Variants in IGF2 observed in about 807,000 individuals in gnomAD.
IGF2 encodes insulin like growth factor 2, also known as insulin-like growth factor 2.
In IGF2, 2 loss-of-function variants were observed where a neutral mutation model predicts 12.0. The ratio of observed to expected loss-of-function variants is 0.17; its 90% CI spans 0.07 to 0.52. The LOEUF (loss-of-function observed/expected upper bound fraction) is 0.52, where lower values mean the gene tolerates loss of function less well. IGF2 is among the 20% of genes least tolerant of loss of function. The probability of loss-of-function intolerance (pLI) is 0.95; values close to 1 mark genes in which losing one functional copy is unlikely to be tolerated. For missense variants in IGF2, 211 were observed against 268.0 expected (o/e 0.79, Z 1.48); for synonymous variants, 105 against 110.1 (o/e 0.95, Z 0.29).
At chr11:2,146,513 T>G in the IGF2 span, 1 of 432,524 alleles carries the variant, frequency 2.3e-6, no homozygotes, top group Non-Finnish European at 4.8e-6. Flanking sequence ...CTGCTCAATC[T>G]GCCCAAAGCC....
the IGF2 span, chr11:2,147,674 GCT>G: frequency 8.0e-7 from 1 of 1,250,620 alleles, no homozygotes; most frequent in Non-Finnish European, 1.0e-6. This position sits in a 1 kb window ranked among gnomAD's most constrained non-coding sequence, Gnocchi z 7.2. Flanking sequence ...TCAGGACTGG[GCT>G]CTCTGGCCTG....
chr11:2,147,365 G>A, the IGF2 span: 7 of 390,548 alleles, frequency 1.8e-5, no homozygotes, highest in East Asian at 3.7e-5. The surrounding 1 kb of genome is among the most constrained non-coding windows in gnomAD (Gnocchi z 7.2). Flanking sequence ...CGGGGAACCT[G>A]CTCTGCCCAC....
intron 2 of IGF2, among the ~76,000 whole-genome samples, chr11:2,134,954 A>T (rs944091096): frequency 6.6e-6 from 1 of 152,216 alleles, no homozygotes; most frequent in African/African-American, 2.4e-5. Flanking sequence ...TTTAATTCTG[A>T]TCATTCACCG....
At chr11:2,144,214 C>G (rs1460432838), upstream of IGF2, among the ~76,000 whole-genome samples, 1 of 152,312 alleles carries the variant, frequency 6.6e-6, no homozygotes, top group Admixed American at 6.5e-5. Flanking sequence ...CGCTGCTTCC[C>G]GGGCGCTCCC....
At position 2,133,423 on chromosome 11, in the gene IGF2, G is replaced by A. The variant is rs924175483; in HGVS notation, c.306+94C>T. 1.4e-5 allele frequency: 19 copies of A among 1,389,750 alleles called. No homozygotes were observed. In the African/African-American group the frequency reaches 2.8e-4, roughly 20 times the overall value. 86.1% of individuals were successfully genotyped at this position (1,389,750 alleles called of 1,614,324 possible). ...AAGGAAGTCACGGGTCCTTGTCCCT[G>A]GCCAAGAGGTCCCAGAGGCCACAGG... On this transcript the variant is annotated intron_variant, in intron 3 of 3. Coordinates refer to ENST00000416167, the MANE Select transcript of IGF2 (RefSeq NM_000612.6). This position sits in a 1 kb window ranked among gnomAD's most constrained non-coding sequence, Gnocchi z 8.9.
At position 2,138,469 on chromosome 11, in the gene IGF2, T is replaced by C; in HGVS notation, c.-247A>G. 3.9e-6 allele frequency: 3 copies of C among 769,708 alleles called. No individual in the cohort carries two copies. Among genetic ancestry groups the C allele is most frequent in the Non-Finnish European group, 4.6e-6 (3 of 652,102 alleles). The allele number at this position is 769,708 out of a possible 1,614,324, so 47.7% of individuals were successfully genotyped here. ...TGGGGCGGGCCAGATGTTGTACTTT[T>C]CGGGGGGGAAAAGGTATCGGGAAAT... is the stretch of plus-strand genomic sequence containing the variant. On this transcript the variant is annotated 5_prime_UTR_variant, in exon 1 of 4. Transcript: ENST00000416167.
chr11:2,146,530 A>C, the IGF2 span: 3 of 408,250 alleles, frequency 7.3e-6, no homozygotes, highest in African/African-American at 2.0e-5. Context: ...AGCCAAAAGT[A>C]CGTGGGGGAT....
At chr11:2,134,583 G>A (rs748921211) in intron 2 of IGF2, among the ~76,000 whole-genome samples, 2 of 152,358 alleles carry the variant, frequency 1.3e-5, no homozygotes, top group Non-Finnish European at 2.9e-5. Flanking sequence ...AAGCAGTGGT[G>A]GTAAAGATGT....
At chr11:2,142,283 C>T (rs987035286), upstream of IGF2, among the ~76,000 whole-genome samples, 8 of 151,884 alleles carry the variant, frequency 5.3e-5, no homozygotes, top group East Asian at 3.9e-4. The surrounding 1 kb of genome is among the most constrained non-coding windows in gnomAD (Gnocchi z 5.7). Flanking sequence ...GAGACAATAC[C>T]GCAATTTGGG....
intron 2 of IGF2, among the ~76,000 whole-genome samples, chr11:2,134,774 G>T (rs1259918030): frequency 1.3e-5 from 2 of 152,120 alleles, no homozygotes; most frequent in Non-Finnish European, 2.9e-5. Context: ...CCCCCAGGCT[G>T]GAGAACCAAG....
the IGF2 span, chr11:2,149,143 C>A: frequency 6.2e-7 from 1 of 1,613,344 alleles, no homozygotes; most frequent in African/African-American, 1.3e-5. Flanking sequence ...CTAGTCCCTG[C>A]GCAGTCCCCG....
At chr11:2,147,857 A>C in the IGF2 span, 1 of 1,202,676 alleles carries the variant, frequency 8.3e-7, no homozygotes. The surrounding 1 kb of genome is among the most constrained non-coding windows in gnomAD (Gnocchi z 7.2). Context: ...TTAAAAGCAA[A>C]GCCCCCCTCC....
rs1858446029 is a variant in IGF2 at position 2,130,279 on chromosome 11, G to A, written c.*2708C>T. The A allele has an allele frequency of 4.4e-6, 1 of 229,682 alleles. No individual in the cohort carries two copies. Among genetic ancestry groups the A allele is most frequent in the African/African-American group, 2.2e-5 (1 of 44,962 alleles). 14.2% of individuals were successfully genotyped at this position (229,682 alleles called of 1,614,324 possible). A position where few individuals can be genotyped will look rare whatever the true frequency, so the allele number is the denominator to read the frequency against. On this transcript the variant is annotated 3_prime_UTR_variant, in exon 4 of 4. Coordinates refer to ENST00000416167, the MANE Select transcript of IGF2 (RefSeq NM_000612.6). ...GCCCAACCCCCCCCTCCGCCCTCAG[G>A]ACTTCTGGGGACCAGCCACTGTCCC...
chr11:2,149,072 G>C, the IGF2 span: 1 of 1,548,502 alleles, frequency 6.5e-7, no homozygotes, highest in Non-Finnish European at 8.9e-7. Flanking sequence ...ACCCACGCCT[G>C]AACACTTAAA....
At chr11:2,137,353 A>T in intron 1 of IGF2, 2 of 608,152 alleles carry the variant, frequency 3.3e-6, no homozygotes, top group Non-Finnish European at 4.1e-6. Context: ...GCTCCACCCT[A>T]CCCCCCACCC....
chr11:2,142,280 T>A (rs954363437), upstream of IGF2, among the ~76,000 whole-genome samples: 1 of 151,868 alleles, frequency 6.6e-6, no homozygotes, highest in African/African-American at 2.4e-5. This position sits in a 1 kb window ranked among gnomAD's most constrained non-coding sequence, Gnocchi z 5.7. Flanking sequence ...TGGGAGACAA[T>A]ACCGCAATTT....
In IGF2 at chr11:2,133,344, G is replaced by T. The variant is rs942474176; in HGVS notation, c.307-121C>A. On this transcript the variant is annotated intron_variant, in intron 3 of 3. Transcript: ENST00000416167. The surrounding 1 kb of genome is among the most constrained non-coding windows in gnomAD (Gnocchi z 8.9). ...CAGTGACTTGAGCTAATGTCCACGGGCAGAGGGACAGAAGGAGCCAGCGTC... is the reference window on the plus strand; with the variant it reads ...CAGTGACTTGAGCTAATGTCCACGGTCAGAGGGACAGAAGGAGCCAGCGTC... 5 of 1,003,920 alleles carry T rather than the reference G, an allele frequency of 5.0e-6. No homozygotes were observed. The African/African-American group carries it at 8.2e-5, about 16-fold the overall frequency. 62.2% of individuals were successfully genotyped at this position (1,003,920 alleles called of 1,614,324 possible).
chr11:2,139,996 G>T, upstream of IGF2: 1 of 712,666 alleles, frequency 1.4e-6, no homozygotes, highest in Non-Finnish European at 2.1e-6. Context: ...CCGCGCCGGA[G>T]CCCCGGAGCC....
intron 2 of IGF2, 58 bp downstream of exon 2, chr11:2,135,309 C>T: frequency 6.9e-7 from 1 of 1,458,822 alleles, no homozygotes; most frequent in Non-Finnish European, 9.2e-7. Flanking sequence ...GTTGGGCGTC[C>T]TCACCGGTCA....
Sources: allele counts gnomAD v4.1 joint callset (sites outside exome capture counted in the v4.1 genomes callset), GRCh38; gene constraint gnomAD v4.1.1; non-coding constraint Gnocchi (gnomAD v3.1); transcripts MANE v1.5; gene names NCBI Gene and HGNC (gene_info 2026-07-23, HGNC 2026-07-21).